The following RBFOX2 variants were observed in gnomAD, a reference collection of about 807,000 sequenced individuals.
RBFOX2 encodes RNA binding fox-1 homolog 2, also known as RNA binding protein fox-1 homolog 2.
A neutral mutation model predicts 49.1 loss-of-function variants in RBFOX2; 10 were observed. The observed-to-expected ratio is 0.20, with a 90% CI of 0.13 to 0.35. The LOEUF (loss-of-function observed/expected upper bound fraction) is 0.35. RBFOX2 is among the 10% of genes least tolerant of loss of function. The pLI is 1.00. For missense variants in RBFOX2, 323 were observed against 486.9 expected, an observed-to-expected ratio of 0.66 and a Z score of 3.17; for synonymous variants, 183 against 187.4, an observed-to-expected ratio of 0.98 and a Z score of 0.19.
At chr22:35,771,281 C>T (rs1161107089) in intron 4 of RBFOX2, among the ~76,000 whole-genome samples, 1 of 152,112 alleles carries the variant, frequency 6.6e-6, no homozygotes, top group East Asian at 1.9e-4. Flanking sequence ...AAGTGAAAAG[C>T]GGACACAGGA....
chr22:35,954,393 T>TA (rs2055313563), intron 1 of RBFOX2, among the ~76,000 whole-genome samples: 2 of 152,204 alleles, frequency 1.3e-5, no homozygotes, highest in African/African-American at 4.8e-5. Context: ...TTTTTGCAAA[T>TA]ACTCCTCAGG....
intron 1 of RBFOX2, among the ~76,000 whole-genome samples, chr22:35,950,902 T>C (rs1342917431): frequency 1.3e-5 from 2 of 151,954 alleles, no homozygotes; most frequent in Admixed American, 6.6e-5. Context: ...AGAGTTTTCT[T>C]CCTAGGAGTC....
chr22:35,834,583 G>T (rs1957328767), intron 1 of RBFOX2, among the ~76,000 whole-genome samples: 1 of 152,124 alleles, frequency 6.6e-6, no homozygotes. Flanking sequence ...GTTTAGCTAG[G>T]AAAGTTAAGG....
chr22:36,007,828 T>C (rs1352416266), intron 1 of RBFOX2, among the ~76,000 whole-genome samples: 1 of 152,210 alleles, frequency 6.6e-6, no homozygotes, highest in East Asian at 1.9e-4. Context: ...GAGTGTTCTA[T>C]GTTCATACAG....
At chr22:35,845,292 C>T (rs1185349073), upstream of RBFOX2, among the ~76,000 whole-genome samples, 3 of 152,068 alleles carry the variant, frequency 2.0e-5, no homozygotes, top group East Asian at 5.8e-4. Flanking sequence ...CCCCAACATT[C>T]CCCTTAACAT....
chr22:35,947,638 T>C (rs2054437962), intron 1 of RBFOX2, among the ~76,000 whole-genome samples: 1 of 138,046 alleles, frequency 7.2e-6, no homozygotes, highest in African/African-American at 2.8e-5. Flanking sequence ...TGTGTGTTTG[T>C]GTCTTAGCTT....
intron 1 of RBFOX2, among the ~76,000 whole-genome samples, chr22:35,972,085 A>G (rs1471546853): frequency 2.0e-5 from 3 of 152,054 alleles, no homozygotes; most frequent in Non-Finnish European, 4.4e-5. Context: ...TGAGTCATAT[A>G]AGAACATAAA....
At chr22:35,821,244 T>G (rs948042908) in intron 1 of RBFOX2, among the ~76,000 whole-genome samples, 2 of 152,176 alleles carry the variant, frequency 1.3e-5, no homozygotes, top group African/African-American at 2.4e-5. Context: ...TTTTTTATCT[T>G]TATCAAATTA....
chr22:35,896,684 C>G lies in RBFOX2; in HGVS notation c.-34+42163G>C, dbSNP rs184561713. On this transcript the variant is annotated intron_variant, in intron 1 of 13. Transcript: ENST00000359369. ...CTTTCCGCAGACGAACGTTTTCTCT[C>G]CTCCCACCTTAAACTCCCAGCTCAT... Among the ~76,000 whole-genome samples the G allele has an allele frequency of 3.2e-4, 48 of 152,294 alleles. No homozygotes were observed. The South Asian group carries it at 9.7e-3, about 31-fold the overall frequency.
At chr22:35,846,929 GATGA>G (rs903250343) in intron 1 of RBFOX2, among the ~76,000 whole-genome samples, 3 of 152,218 alleles carry the variant, frequency 2.0e-5, no homozygotes, top group African/African-American at 7.2e-5. Context: ...TCACCACTTG[GATGA>G]CAGGTTAAGT....
At chr22:35,898,093 A>G in intron 1 of RBFOX2, 1 of 738,450 alleles carries the variant, frequency 1.4e-6, no homozygotes, top group Non-Finnish European at 2.5e-6. Flanking sequence ...TTCCAGAAAC[A>G]GAAGCTAGCC....
chr22:36,015,985 C>T (rs1464977758), intron 1 of RBFOX2, among the ~76,000 whole-genome samples: 1 of 152,172 alleles, frequency 6.6e-6, no homozygotes. Context: ...TTTCCACTTG[C>T]CTAATGGCCC....
intron 1 of RBFOX2, among the ~76,000 whole-genome samples, chr22:36,024,099 C>G (rs2059341537): frequency 6.6e-6 from 1 of 152,200 alleles, no homozygotes; most frequent in South Asian, 2.1e-4. Context: ...CTTTGACATT[C>G]AAAGTGCCTG....
chr22:35,952,804 G>C (rs530878393), intron 1 of RBFOX2, among the ~76,000 whole-genome samples: 2 of 152,180 alleles, frequency 1.3e-5, no homozygotes, highest in East Asian at 1.9e-4. Context: ...GTTAAATATA[G>C]AGCTACCATA....
chr22:36,006,908 T>C (rs1028085563), intron 1 of RBFOX2, among the ~76,000 whole-genome samples: 2 of 152,168 alleles, frequency 1.3e-5, no homozygotes, highest in Non-Finnish European at 2.9e-5. Flanking sequence ...GACACTCCTC[T>C]ATCCACCACC....
intron 1 of RBFOX2, chr22:35,993,125 G>A (rs1055815166): frequency 6.6e-6 from 1 of 152,082 alleles, no homozygotes; most frequent in Non-Finnish European, 1.5e-5. Flanking sequence ...GACATAAACA[G>A]ATGCATATAC....
chr22:35,764,289 TA>T (rs1345268052), intron 6 of RBFOX2, among the ~76,000 whole-genome samples: 1 of 151,846 alleles, frequency 6.6e-6, no homozygotes, highest in Admixed American at 6.6e-5. Context: ...TCAAACTTTT[TA>T]AAAAAACAGC....
chr22:35,983,728 G>A (rs1370159081), intron 1 of RBFOX2, among the ~76,000 whole-genome samples: 1 of 152,144 alleles, frequency 6.6e-6, no homozygotes, highest in African/African-American at 2.4e-5. Context: ...CTTGATAAAT[G>A]GTTGGTTAAC....
chr22:36,025,775 T>C (rs565774020), intron 1 of RBFOX2, among the ~76,000 whole-genome samples: 5 of 152,274 alleles, frequency 3.3e-5, no homozygotes, highest in Middle Eastern at 3.4e-3. Context: ...ACACCTGTAA[T>C]CCCAGCACTT....
Sources: allele counts gnomAD v4.1 joint callset (sites outside exome capture counted in the v4.1 genomes callset), GRCh38; gene constraint gnomAD v4.1.1; transcripts MANE v1.5; gene names NCBI Gene and HGNC (gene_info 2026-07-23, HGNC 2026-07-21).